The following GPR108 variants were observed in gnomAD, a reference collection of about 807,000 sequenced individuals.
GPR108 encodes the protein protein GPR108.
GPR108 carries 60 observed loss-of-function variants against 74.3 expected under a neutral mutation model. That is an observed-to-expected ratio of 0.81 (90% CI 0.66 to 1.00). The LOEUF is 1.00. Among genes scored for constraint, GPR108 ranks in the 50% least tolerant of loss-of-function variants. The pLI, the probability that GPR108 is intolerant of heterozygous loss-of-function variation, is 0.00. For synonymous variants in GPR108, 311 were observed against 292.4 expected, an observed-to-expected ratio of 1.06 and a Z score of -0.65; for missense variants, 667 against 703.3, an observed-to-expected ratio of 0.95 and a Z score of 0.58.
Position 6,732,482 on chromosome 19 carries a change from G to A in GPR108, c.1001C>T (p.Ala334Val), listed in dbSNP as rs1952600464. Residue 334 changes from alanine to valine, a missense_variant, in exon 11 of 18, where the codon GCA (alanine) becomes GTA (valine). Physicochemically the swap from Ala to Val is moderately conservative, Grantham distance 64. Coordinates refer to ENST00000264080, the MANE Select transcript of GPR108 (RefSeq NM_001080452.2). ...IEGLAVMYYI[A>V]HLLKGALLFI... ...CAGAGTGGGGGACACTCACAGGTGT[G>A]CGATGTAGTACATGACGGCAAGGCC... 1 of 1,613,708 alleles carries A rather than the reference G, an allele frequency of 6.2e-7. No homozygotes were observed. The highest frequency in any genetic ancestry group is 1.7e-5 in the Admixed American group (1 of 59,998).
Position 6,733,886 on chromosome 19 carries a change from C to G in GPR108, c.577G>C (p.Val193Leu), listed in dbSNP as rs1332376893. 1 of 1,614,192 alleles carries G rather than the reference C, an allele frequency of 6.2e-7. No individual in the cohort carries two copies. Among genetic ancestry groups the G allele is most frequent in the Non-Finnish European group, 8.5e-7 (1 of 1,180,006 alleles). ...TTGTTGAGGTGGCTCAGGCCCAACA[C>G]CAGGTCCTTGTCCTTCCCACTAGGA... is the stretch of plus-strand genomic sequence containing the variant. ...QGPSGKDKDL[V>L]LGLSHLNNSY... is the part of the protein sequence containing the mutation. Residue 193 changes from valine (V) to leucine (L), a missense_variant, in exon 7 of 18, where the codon GTG becomes CTG. Transcript: ENST00000264080.
chr19:6,732,347 G>C lies in GPR108; in HGVS notation c.1041C>G (p.Ala347=), dbSNP rs749379565. The change falls in exon 12 of 18, where the codon GCC becomes GCG. Residue 347 remains alanine, a synonymous_variant. Transcript: ENST00000264080. ...TGAAGGCCCAGCCTGAGCCAATCAG[G>C]GCGATGGTGATGAAGAGGAGGGCGC... ...LKGALLFITI[A]LIGSGWAFIK... is the part of the protein sequence containing the mutation. 6.2e-7 allele frequency: 1 copy of C among 1,613,548 alleles called. No individual in the cohort carries two copies. The highest frequency in any genetic ancestry group is 2.2e-5 in the East Asian group (1 of 44,872).
Position 6,732,350 on chromosome 19 carries a change from G to A in GPR108, c.1038C>T (p.Ile346=), listed in dbSNP as rs779904232. ...LLKGALLFIT[I]ALIGSGWAFI... ...AGGCCCAGCCTGAGCCAATCAGGGC[G>A]ATGGTGATGAAGAGGAGGGCGCCCT... The change falls in exon 12 of 18, where the codon ATC becomes ATT. Residue 346 remains isoleucine, a synonymous_variant. Coordinates refer to ENST00000264080, the MANE Select transcript of GPR108 (RefSeq NM_001080452.2). 70 of 1,613,404 alleles carry A rather than the reference G, an allele frequency of 4.3e-5. No individual in the cohort carries two copies. In the Admixed American group the frequency reaches 1.0e-3, roughly 24 times the overall value.
rs765474576 is a variant in GPR108, at chr19:6,730,184, G to A, written c.*128C>T. 2 of 851,852 alleles carry A rather than the reference G, an allele frequency of 2.3e-6. No homozygotes were observed. Among genetic ancestry groups the A allele is most frequent in the South Asian group, 3.0e-5 (2 of 67,320 alleles). The allele number at this position is 851,852 out of a possible 1,614,324, so 52.8% of individuals were successfully genotyped here. ...TTCCAAATGGGCTTGTCCGGGAACCGGGGTCCCGGGGAGCTGGGCGCCTGG... is the reference window on the plus strand; with the variant it reads ...TTCCAAATGGGCTTGTCCGGGAACCAGGGTCCCGGGGAGCTGGGCGCCTGG... On this transcript the variant is annotated 3_prime_UTR_variant, in exon 18 of 18. Transcript: ENST00000264080.
At position 6,735,599 on chromosome 19, in the gene GPR108, C is replaced by T. The variant is rs755053879; in HGVS notation, c.374+23G>A. On this transcript the variant is annotated intron_variant, in intron 4 of 17. Transcript: ENST00000264080. ...GGGAAACGCAGACGAAGGATCTGAG[C>T]GAGCCCCCGGTCCCCAACTCACTGC... 1.4e-5 allele frequency: 23 copies of T among 1,601,198 alleles called. No individual in the cohort carries two copies. In the East Asian group the frequency reaches 2.0e-4, roughly 14 times the overall value.
chr19:6,730,937 C>T, intron 17 of GPR108, 50 bp downstream of exon 17: 4 of 1,598,066 alleles, frequency 2.5e-6, no homozygotes, highest in Non-Finnish European at 2.6e-6. Flanking sequence ...GCTGCCCACC[C>T]CCTACTCCAC....
intron 9 of GPR108, 25 bp from the exon 10 acceptor site, chr19:6,733,087 G>A (rs1968486913): frequency 6.2e-7 from 1 of 1,613,392 alleles, no homozygotes; most frequent in African/African-American, 1.3e-5. Flanking sequence ...AGGGAGAGAT[G>A]GGGGTGCGGG....
In GPR108 at chr19:6,730,020, T is replaced by A. The variant is rs150536945; in HGVS notation, c.*292A>T. 2.3e-4 allele frequency: 106 copies of A among 451,228 alleles called. 1 individual carries two copies. The highest frequency in any genetic ancestry group is 2.1e-3 in the African/African-American group (106 of 50,702). The allele number at this position is 451,228 out of a possible 1,614,324, so 28.0% of individuals were successfully genotyped here. Reference sequence around the variant, plus strand: ...CTACATTGTAAACACAACCTCCGTGTAGACCCCAACCCCCAAAAAGGCAAG... The same window carrying A: ...CTACATTGTAAACACAACCTCCGTGAAGACCCCAACCCCCAAAAAGGCAAG... On this transcript the variant is annotated 3_prime_UTR_variant, in exon 18 of 18. Transcript: ENST00000264080.
At position 6,735,639 on chromosome 19, in the gene GPR108, G is replaced by T. The variant is rs1968603254; in HGVS notation, c.357C>A (p.Ile119=). 1 of 1,613,944 alleles carries T rather than the reference G, an allele frequency of 6.2e-7. No homozygotes were observed. The highest frequency in any genetic ancestry group is 1.3e-5 in the African/African-American group (1 of 74,876). Residue 119 remains isoleucine (I), a synonymous_variant, in exon 4 of 18, where the codon ATC becomes ATA. Coordinates refer to ENST00000264080, the MANE Select transcript of GPR108 (RefSeq NM_001080452.2). ...NSSSFLVLFL[I]NTKDLQVQVR... ...CAACTCACTGCAGATCCTTGGTGTT[G>T]ATGAGGAACAGGACCAGGAAACTGC...
intron 17 of GPR108, 68 bp from the exon 18 acceptor site, chr19:6,730,452 C>T: frequency 3.0e-6 from 4 of 1,323,290 alleles, no homozygotes; most frequent in Non-Finnish European, 4.3e-6. Flanking sequence ...CTACCCGGAA[C>T]CACTCAGGCC....
In GPR108 at chr19:6,736,876, G is replaced by A. The variant is rs1968658516; in HGVS notation, c.121-165C>T. 5 of 916,964 alleles carry A rather than the reference G, an allele frequency of 5.5e-6. No individual in the cohort carries two copies. The African/African-American group carries it at 6.7e-5, about 12-fold the overall frequency. 56.8% of individuals were successfully genotyped at this position (916,964 alleles called of 1,614,324 possible). ...TGAGAGGGACTTCCTCCCTGCAGGG[G>A]AAGGGTGGTCCTGCATTCTCCGACC... On this transcript the variant is annotated intron_variant, in intron 1 of 17. Transcript: ENST00000264080.
intron 3 of GPR108, 75 bp downstream of exon 3, chr19:6,735,833 G>A (rs1358017333): frequency 1.3e-6 from 2 of 1,546,384 alleles, no homozygotes; most frequent in South Asian, 1.2e-5. Flanking sequence ...GGGCCCTTGG[G>A]TTACAGATGC....
intron 8 of GPR108, 27 bp from the exon 9 acceptor site, chr19:6,733,328 G>C (rs781187935): frequency 6.2e-7 from 1 of 1,607,342 alleles, no homozygotes; most frequent in South Asian, 1.1e-5. Context: ...GGTGGGCGGC[G>C]GCAGGGGCAC....
In GPR108 at chr19:6,733,341, C is replaced by T. The variant is rs771818901; in HGVS notation, c.724-40G>A. 3 of 1,596,962 alleles carry T rather than the reference C, an allele frequency of 1.9e-6. No individual in the cohort carries two copies. The South Asian group carries it at 3.3e-5, about 18-fold the overall frequency. The stretch of plus-strand genomic sequence containing the variant: ...GTGGTGGGCGGCGGCAGGGGCACAG[C>T]CCGACCGCTGGCCTGGGAGAGCAGC... On this transcript the variant is annotated intron_variant, in intron 8 of 17. Transcript: ENST00000264080.
At chr19:6,734,344 G>T (rs199748073) in intron 4 of GPR108, 37 bp from the exon 5 acceptor site, 11 of 1,598,808 alleles carry the variant, frequency 6.9e-6, no homozygotes, top group African/African-American at 6.7e-5. Context: ...AGGCTGGGGG[G>T]CTGAACTTGG....
intron 4 of GPR108, among the ~76,000 whole-genome samples, chr19:6,735,026 G>A (rs1037256777): frequency 7.2e-5 from 11 of 151,816 alleles, no homozygotes; most frequent in Admixed American, 3.9e-4. Flanking sequence ...GACTACAGGC[G>A]TGCACCACCA....
At chr19:6,734,398 C>G (rs1013305154) in intron 4 of GPR108, 91 bp from the exon 5 acceptor site, 5 of 1,274,314 alleles carry the variant, frequency 3.9e-6, no homozygotes, top group Non-Finnish European at 5.4e-6. Context: ...GGACCCTCTG[C>G]GTGTCCTCCC....
chr19:6,733,435 G>A (rs1186004644), intron 8 of GPR108, 134 bp from the exon 9 acceptor site: 25 of 1,285,402 alleles, frequency 1.9e-5, no homozygotes, highest in Admixed American at 1.2e-4. Flanking sequence ...AGTTGGCCCC[G>A]TCTCTCAAAT....
At chr19:6,730,458 A>C (rs1039745826) in intron 17 of GPR108, 74 bp from the exon 18 acceptor site, 12 of 1,280,286 alleles carry the variant, frequency 9.4e-6, no homozygotes, top group African/African-American at 1.5e-5. Flanking sequence ...GGAACCACTC[A>C]GGCCCCGCCC....
Sources: gnomAD v4.1 joint callset for allele counts (sites outside exome capture counted in the v4.1 genomes callset) on GRCh38, gnomAD v4.1.1 for gene constraint, MANE v1.5 for transcripts, NCBI Gene and HGNC (gene_info 2026-07-23, HGNC 2026-07-21) for gene names.